The following RFX3 variants were observed in gnomAD, a reference collection of about 807,000 sequenced individuals.
The protein encoded by RFX3 is transcription factor RFX3.
Under a neutral mutation model 98.6 loss-of-function variants are expected in RFX3, and 14 were observed. That is an observed-to-expected ratio of 0.14 (90% CI 0.09 to 0.22). RFX3 has a LOEUF of 0.22. RFX3 is among the 10% of genes least tolerant of loss of function. RFX3 has a pLI of 1.00. For synonymous variants in RFX3, 383 were observed against 328.4 expected, an observed-to-expected ratio of 1.17 and a Z score of -1.80; for missense variants, 639 against 926.9, an observed-to-expected ratio of 0.69 and a Z score of 4.03.
intron 1 of RFX3, among the ~76,000 whole-genome samples, chr9:3,423,809 A>ATATATATATATATC (rs1484813389): frequency 5.8e-5 from 8 of 138,940 alleles, no homozygotes; most frequent in African/African-American, 1.1e-4. Context: ...ATATATATAT[A>ATATATATATATATC]TATCTTAAGG....
At chr9:3,240,176 C>G (rs902074548) in intron 15 of RFX3, among the ~76,000 whole-genome samples, 1 of 152,202 alleles carries the variant, frequency 6.6e-6, no homozygotes, top group African/African-American at 2.4e-5. Flanking sequence ...CAAACTCAGC[C>G]TTCCAAGTTG....
chr9:3,511,821 G>C (rs1281108411), intron 1 of RFX3, among the ~76,000 whole-genome samples: 3 of 152,020 alleles, frequency 2.0e-5, no homozygotes, highest in East Asian at 3.8e-4. Flanking sequence ...AAGGAGACTT[G>C]AATTCAATTA....
chr9:3,235,211 T>C (rs1449591066), intron 15 of RFX3, among the ~76,000 whole-genome samples: 1 of 152,210 alleles, frequency 6.6e-6, no homozygotes, highest in Non-Finnish European at 1.5e-5. Flanking sequence ...CCAATTTGGG[T>C]GGCAGGTGAA....
At chr9:3,510,330 C>G (rs1246502895) in intron 1 of RFX3, among the ~76,000 whole-genome samples, 1 of 151,632 alleles carries the variant, frequency 6.6e-6, no homozygotes, top group South Asian at 2.1e-4. Flanking sequence ...TTGCCCCCCC[C>G]AAAAAAAGCA....
At chr9:3,317,729 T>C (rs553945118) in intron 4 of RFX3, among the ~76,000 whole-genome samples, 5 of 152,188 alleles carry the variant, frequency 3.3e-5, no homozygotes, top group Non-Finnish European at 7.3e-5. Flanking sequence ...CAGACACTTC[T>C]CAAAAGAAGA....
At chr9:3,479,093 T>C (rs188966993) in intron 1 of RFX3, among the ~76,000 whole-genome samples, 3 of 152,288 alleles carry the variant, frequency 2.0e-5, no homozygotes, top group Admixed American at 1.3e-4. Flanking sequence ...AGCTTTTAGC[T>C]ACACCACTAA....
At chr9:3,254,477 T>C (rs1821842101) in intron 14 of RFX3, among the ~76,000 whole-genome samples, 2 of 152,122 alleles carry the variant, frequency 1.3e-5, no homozygotes, top group Admixed American at 1.3e-4. Flanking sequence ...ACTTACGTTG[T>C]TATCTGGGAA....
intron 12 of RFX3, 24 bp downstream of exon 12, chr9:3,266,183 GA>G: frequency 7.1e-7 from 1 of 1,400,548 alleles, no homozygotes. Context: ...CAACACAAAA[GA>G]AAAAGCAAGG....
At chr9:3,225,480 A>G (rs564069432) in intron 16 of RFX3, among the ~76,000 whole-genome samples, 200 bp from the exon 17 acceptor site, 39 of 152,264 alleles carry the variant, frequency 2.6e-4, no homozygotes, top group African/African-American at 9.4e-4. Flanking sequence ...AATTCTTTCA[A>G]ACATAGTGAG....
At chr9:3,470,660 G>C (rs577288541) in intron 1 of RFX3, among the ~76,000 whole-genome samples, 8 of 152,086 alleles carry the variant, frequency 5.3e-5, no homozygotes, top group African/African-American at 1.9e-4. Flanking sequence ...CCCGATACTA[G>C]CTCCAGAGTT....
chr9:3,414,060 CACA>C (rs1016267981), intron 1 of RFX3, among the ~76,000 whole-genome samples: 7 of 152,024 alleles, frequency 4.6e-5, no homozygotes, highest in Non-Finnish European at 1.0e-4. Context: ...CTTTAATTTT[CACA>C]ACAACCTTGT....
In RFX3 at chr9:3,438,343, G is replaced by C. The variant is rs188455545; in HGVS notation, c.-8-42747C>G. Among the ~76,000 whole-genome samples the C allele has an allele frequency of 9.2e-5, 14 of 152,188 alleles. No homozygotes were observed. In the East Asian group the frequency reaches 2.1e-3, roughly 23 times the overall value. ...ATTAGACTTCAGTCTTGAAGAACTT[G>C]ATACAGTAAGTCTATATCTATCTTT... is the stretch of plus-strand genomic sequence containing the variant. On this transcript the variant is annotated intron_variant, in intron 1 of 16. Coordinates refer to ENST00000617270, the MANE Select transcript of RFX3 (RefSeq NM_001282116.2).
intron 16 of RFX3, among the ~76,000 whole-genome samples, chr9:3,226,960 A>G (rs887524819): frequency 2.0e-5 from 3 of 152,078 alleles, no homozygotes; most frequent in African/African-American, 7.2e-5. Flanking sequence ...AAGAATTCTC[A>G]TTTTGTGGGA....
chr9:3,308,591 T>C (rs1471815586), intron 4 of RFX3, among the ~76,000 whole-genome samples: 1 of 152,182 alleles, frequency 6.6e-6, no homozygotes, highest in Non-Finnish European at 1.5e-5. Flanking sequence ...TGACCACATA[T>C]TAGCAGGAAC....
chr9:3,500,857 T>A (rs77747218), intron 1 of RFX3, among the ~76,000 whole-genome samples: 10,634 of 152,236 alleles, frequency 0.07, 1,258 homozygotes, highest in East Asian at 0.57. Flanking sequence ...ATTAGTTGAG[T>A]ATATTCAATA....
chr9:3,305,228 G>C (rs1019125877), intron 4 of RFX3, among the ~76,000 whole-genome samples: 1 of 152,024 alleles, frequency 6.6e-6, no homozygotes, highest in South Asian at 2.1e-4. Flanking sequence ...TATGGGAGTG[G>C]TATGAGTGAG....
intron 7 of RFX3, among the ~76,000 whole-genome samples, chr9:3,278,090 A>T (rs886143694): frequency 1.1e-4 from 16 of 151,944 alleles, no homozygotes; most frequent in African/African-American, 3.6e-4. Flanking sequence ...AAAGAATCAA[A>T]GTCAGTTAAA....
At chr9:3,283,223 C>T (rs1478194643) in intron 7 of RFX3, among the ~76,000 whole-genome samples, 1 of 151,686 alleles carries the variant, frequency 6.6e-6, no homozygotes, top group Non-Finnish European at 1.5e-5. Context: ...GCTTCATTCT[C>T]CTCCAAAACA....
rs1352591136 is a variant in RFX3, at chr9:3,223,678, T to C, written c.*1364A>G. On this transcript the variant is annotated 3_prime_UTR_variant, in exon 17 of 17. Transcript: ENST00000617270. ...TTTGTTTTCCTTTGTTTTCCCTAAA[T>C]TTCCTTTGAAGAACATGTCACCTGT... 6.6e-6 allele frequency: 1 copy of C among 152,220 alleles called. No individual in the cohort carries two copies. Among genetic ancestry groups the C allele is most frequent in the Non-Finnish European group, 1.5e-5 (1 of 68,026 alleles). The allele number at this position is 152,220 out of a possible 1,614,324, so 9.4% of individuals were successfully genotyped here.
Sources: gnomAD v4.1 joint callset for allele counts (sites outside exome capture counted in the v4.1 genomes callset) on GRCh38, gnomAD v4.1.1 for gene constraint, MANE v1.5 for transcripts, NCBI Gene and HGNC (gene_info 2026-07-23, HGNC 2026-07-21) for gene names.